The following PRUNE2 variants were observed in gnomAD, a reference collection of about 807,000 sequenced individuals.
PRUNE2 encodes protein prune homolog 2.
Under a neutral mutation model 252.0 loss-of-function variants are expected in PRUNE2, and 164 were observed. The observed-to-expected ratio is 0.65, with a 90% CI of 0.57 to 0.74. The LOEUF (loss-of-function observed/expected upper bound fraction) is 0.74, where lower values mean the gene tolerates loss of function less well. PRUNE2 is among the 30% of genes least tolerant of loss of function. PRUNE2 has a pLI of 0.00. For synonymous variants in PRUNE2, 1,292 were observed against 1,350.2 expected, an observed-to-expected ratio of 0.96 and a Z score of 0.94; for missense variants, 3,495 against 3,711.0, an observed-to-expected ratio of 0.94 and a Z score of 1.51.
intron 11 of PRUNE2, 103 bp from the exon 12 acceptor site, chr9:76,645,012 G>T: frequency 9.3e-7 from 1 of 1,073,992 alleles, no homozygotes; most frequent in Non-Finnish European, 1.3e-6. Context: ...CCTACGGGCA[G>T]CCTTTGTTTT....
intron 1 of PRUNE2, among the ~76,000 whole-genome samples, chr9:76,869,396 C>T (rs1000196909): frequency 2.6e-5 from 4 of 152,216 alleles, no homozygotes; most frequent in East Asian, 1.9e-4. Flanking sequence ...TTATTTATTA[C>T]ACTGTGTGTT....
chr9:76,837,451 A>T (rs1307881670), intron 4 of PRUNE2, among the ~76,000 whole-genome samples: 5 of 63,110 alleles, frequency 7.9e-5, no homozygotes, highest in South Asian at 9.2e-4. Flanking sequence ...AAATAATAAT[A>T]ATAATAATAA....
chr9:76,710,604 C>T lies in PRUNE2; in HGVS notation c.1670G>A (p.Gly557Glu). ...SNYSSSSLLS[G>E]AGKDSLVEHD... ...TTCCACAAGGCTATCTTTGCCAGCC[C>T]CTGACAAAAGTGAACTGGATGAATA... Residue 557 changes from glycine to glutamate, a missense_variant, in exon 8 of 19, where the codon GGG becomes GAG. By Grantham distance (98) the Gly-to-Glu change is moderately conservative. Transcript: ENST00000376718. 1 of 1,613,618 alleles carries T rather than the reference C, an allele frequency of 6.2e-7. No individual in the cohort carries two copies. The highest frequency in any genetic ancestry group is 8.5e-7 in the Non-Finnish European group (1 of 1,179,742).
At chr9:76,642,178 G>A (rs1395872210) in intron 12 of PRUNE2, among the ~76,000 whole-genome samples, 1 of 152,012 alleles carries the variant, frequency 6.6e-6, no homozygotes, top group African/African-American at 2.4e-5. Context: ...ACCCCTCTTT[G>A]CTTTTATTTA....
At chr9:76,651,622 T>C (rs900542577) in intron 11 of PRUNE2, among the ~76,000 whole-genome samples, 2 of 152,220 alleles carry the variant, frequency 1.3e-5, no homozygotes, top group Non-Finnish European at 2.9e-5. Context: ...AAAAAAATGA[T>C]TGTATTTGTA....
intron 4 of PRUNE2, among the ~76,000 whole-genome samples, chr9:76,829,538 T>C (rs2058548096): frequency 6.6e-6 from 1 of 152,182 alleles, no homozygotes; most frequent in Non-Finnish European, 1.5e-5. Flanking sequence ...GCCATGTTCA[T>C]TAATTCGCAT....
At chr9:76,763,644 C>T (rs1338431180) in intron 6 of PRUNE2, among the ~76,000 whole-genome samples, 1 of 152,180 alleles carries the variant, frequency 6.6e-6, no homozygotes, top group South Asian at 2.1e-4. Flanking sequence ...CTCTCCTGTG[C>T]TCTCTGAGGA....
rs1483730208 is a variant in PRUNE2, at chr9:76,706,771, G to A, written c.5503C>T (p.Gln1835Ter). 2 of 1,611,310 alleles carry A rather than the reference G, an allele frequency of 1.2e-6. No homozygotes were observed. Among genetic ancestry groups the A allele is most frequent in the East Asian group, 4.5e-5 (2 of 44,816 alleles). Residue 1835 changes from glutamine (Q) to a stop codon, truncating the protein, a stop_gained, in exon 8 of 19, where the codon CAG becomes TAG. Coordinates refer to ENST00000376718, the MANE Select transcript of PRUNE2 (RefSeq NM_015225.3). LOFTEE classifies it high-confidence loss of function. Reference sequence around the variant, plus strand: ...GGACTTTCAATTAGTCTCCCTTCCTGGGGTGAGGCCTTCCACCACTCAGTG... The same window carrying A: ...GGACTTTCAATTAGTCTCCCTTCCTAGGGTGAGGCCTTCCACCACTCAGTG... Reference protein sequence around the residue: ...DSTEWWKASPQEGRLIESPFE... With the variant: ...DSTEWWKASP
intron 2 of PRUNE2, among the ~76,000 whole-genome samples, chr9:76,851,220 A>G (rs1479895721): frequency 1.3e-5 from 2 of 152,096 alleles, no homozygotes; most frequent in Admixed American, 6.5e-5. Flanking sequence ...CCAATGGTTC[A>G]CATGTAAAAA....
chr9:76,879,598 AG>A (rs2061646353), intron 1 of PRUNE2, among the ~76,000 whole-genome samples: 1 of 151,238 alleles, frequency 6.6e-6, no homozygotes. Flanking sequence ...AAAAAATAAC[AG>A]GGAAAAGTAA....
At chr9:76,867,180 C>T (rs756983824) in intron 1 of PRUNE2, among the ~76,000 whole-genome samples, 1 of 152,022 alleles carries the variant, frequency 6.6e-6, no homozygotes, top group Non-Finnish European at 1.5e-5. Flanking sequence ...CTGCTCTGTC[C>T]TCTCCCACAA....
At chr9:76,827,583 C>T (rs754509504) in intron 4 of PRUNE2, among the ~76,000 whole-genome samples, 3 of 152,224 alleles carry the variant, frequency 2.0e-5, no homozygotes, top group Non-Finnish European at 4.4e-5. Context: ...AAAGTACTAC[C>T]GTCTCTGTTT....
At chr9:76,769,500 G>A (rs1169545045) in intron 6 of PRUNE2, among the ~76,000 whole-genome samples, 5 of 152,022 alleles carry the variant, frequency 3.3e-5, no homozygotes, top group East Asian at 3.9e-4. Context: ...TCGGCTCGTC[G>A]TCGCAACCTC....
At chr9:76,660,255 C>T (rs1023279754) in intron 9 of PRUNE2, among the ~76,000 whole-genome samples, 1 of 152,130 alleles carries the variant, frequency 6.6e-6, no homozygotes, top group Non-Finnish European at 1.5e-5. Flanking sequence ...CTATATAGGG[C>T]TCTGGACCTT....
At chr9:76,670,440 G>C (rs1219814767) in intron 9 of PRUNE2, among the ~76,000 whole-genome samples, 1 of 152,022 alleles carries the variant, frequency 6.6e-6, no homozygotes, top group Non-Finnish European at 1.5e-5. Flanking sequence ...ACAGCAGTCT[G>C]AGATCAAACT....
chr9:76,687,567 T>C lies in PRUNE2; in HGVS notation c.8276+15770A>G, dbSNP rs7864917. The C allele has an allele frequency of 6.6e-3, 2,262 of 344,706 alleles. 48 individuals carry two copies. The highest frequency in any genetic ancestry group is 0.041 in the African/African-American group (1,939 of 47,042). The allele number at this position is 344,706 out of a possible 1,614,324, so 21.4% of individuals were successfully genotyped here. On this transcript the variant is annotated intron_variant, in intron 9 of 18. Coordinates refer to ENST00000376718, the MANE Select transcript of PRUNE2 (RefSeq NM_015225.3). ...ATCAAGATTGTTCTAGTAATCTGCC[T>C]AGGGTTTCCAAAGCAGACTGCCACA...
chr9:76,827,243 G>A (rs753237467), intron 4 of PRUNE2, among the ~76,000 whole-genome samples: 47 of 152,102 alleles, frequency 3.1e-4, no homozygotes, highest in Non-Finnish European at 6.3e-4. Context: ...CTGACAAGGT[G>A]GCTAACCTGA....
chr9:76,717,500 T>C, intron 6 of PRUNE2, among the ~76,000 whole-genome samples: 1 of 152,226 alleles, frequency 6.6e-6, no homozygotes, highest in Non-Finnish European at 1.5e-5. Context: ...ATCTGCCTTC[T>C]ACCTGATAAA....
chr9:76,661,504 A>G (rs1467776401), intron 9 of PRUNE2, among the ~76,000 whole-genome samples: 1 of 152,160 alleles, frequency 6.6e-6, no homozygotes, highest in Non-Finnish European at 1.5e-5. Flanking sequence ...CAGCCTCCCA[A>G]AGTGCTGGGA....
Sources: allele counts gnomAD v4.1 joint callset (sites outside exome capture counted in the v4.1 genomes callset), GRCh38; gene constraint gnomAD v4.1.1; transcripts MANE v1.5; gene names NCBI Gene and HGNC (gene_info 2026-07-23, HGNC 2026-07-21).